Variants in ADGRL1 observed in about 807,000 individuals in gnomAD.
The protein encoded by ADGRL1 is CIRL-1.
Under a neutral mutation model 148.9 loss-of-function variants are expected in ADGRL1, and 31 were observed. The observed-to-expected ratio is 0.21, with a 90% CI of 0.16 to 0.28. The LOEUF (loss-of-function observed/expected upper bound fraction) is 0.28, where lower values mean the gene tolerates loss of function less well. Ranked by LOEUF, ADGRL1 falls within the 10% of genes least tolerant of loss-of-function variation. The pLI is 1.00. For synonymous variants in ADGRL1, 937 were observed against 900.3 expected, an observed-to-expected ratio of 1.04 and a Z score of -0.73; for missense variants, 1,521 against 2,058.8, an observed-to-expected ratio of 0.74 and a Z score of 5.05.
At chr19:14,205,654 C>T (rs1040511526) in intron 1 of ADGRL1, among the ~76,000 whole-genome samples, 14 of 151,646 alleles carry the variant, frequency 9.2e-5, no homozygotes, top group African/African-American at 3.1e-4. Context: ...AAGGCTGGCG[C>T]GCGCGCGGGC....
chr19:14,156,858 G>A, intron 15 of ADGRL1, 67 bp downstream of exon 15: 1 of 1,565,024 alleles, frequency 6.4e-7, no homozygotes, highest in Non-Finnish European at 8.7e-7. Flanking sequence ...TGAGGGTCCT[G>A]GTCCAAGGGG....
At chr19:14,178,941 T>A (rs376030989) in intron 2 of ADGRL1, among the ~76,000 whole-genome samples, 41 of 152,072 alleles carry the variant, frequency 2.7e-4, no homozygotes, top group African/African-American at 9.6e-4. Flanking sequence ...CCCCGCACTT[T>A]GGGAGGCTGA....
At chr19:14,197,885 G>A (rs1422767480) in intron 1 of ADGRL1, among the ~76,000 whole-genome samples, 1 of 152,142 alleles carries the variant, frequency 6.6e-6, no homozygotes, top group African/African-American at 2.4e-5. Flanking sequence ...TCTATTCAGT[G>A]GATGTTTACC....
intron 2 of ADGRL1, among the ~76,000 whole-genome samples, chr19:14,182,414 C>T (rs1017926513): frequency 1.2e-4 from 18 of 152,188 alleles, no homozygotes; most frequent in South Asian, 8.3e-4. Context: ...ATGTGGGGAC[C>T]GTCGCTTGTA....
rs1972374302 is a variant in ADGRL1 at position 14,198,031 on chromosome 19, G to A, written c.-96+7954C>T. ...ACATTTCGGCAGAGGTCTTGAGGAG[G>A]TGAGCCATCTAGGTACCTGTGCAAA... On this transcript the variant is annotated intron_variant, in intron 1 of 22. Transcript: ENST00000361434. Among the ~76,000 whole-genome samples the A allele has an allele frequency of 2.0e-5, 3 of 152,146 alleles. No homozygotes were observed. In the South Asian group the frequency reaches 6.2e-4, roughly 32 times the overall value.
At position 14,204,842 on chromosome 19, in the gene ADGRL1, G is replaced by A. The variant is rs184714069; in HGVS notation, c.-96+1143C>T. On this transcript the variant is annotated intron_variant, in intron 1 of 22. Coordinates refer to ENST00000361434, the MANE Select transcript of ADGRL1 (RefSeq NM_014921.5). Reference sequence around the variant, plus strand: ...GCACACATGTTGGGAAGTGGGATGTGGGAAGACAGACCCCAGCTCTGAGTC... The same window carrying A: ...GCACACATGTTGGGAAGTGGGATGTAGGAAGACAGACCCCAGCTCTGAGTC... Among the ~76,000 whole-genome samples, 686 of 152,176 alleles carry A rather than the reference G, an allele frequency of 4.5e-3. 2 individuals are homozygous for A. The highest frequency in any genetic ancestry group is 7.7e-3 in the South Asian group (37 of 4,820).
chr19:14,157,887 C>T lies in ADGRL1; in HGVS notation c.2530G>A (p.Glu844Lys). Residue 844 changes from glutamate (E) to lysine (K), a missense_variant, in exon 13 of 23, where the codon GAG (glutamate) becomes AAG (lysine). Physicochemically the swap from Glu to Lys is moderately conservative, Grantham distance 56 (BLOSUM62 1). This residue lies in a region of ADGRL1 where 265 missense variants were observed against 431.9 expected (regional missense o/e 0.61). Transcript: ENST00000361434. This position sits in a 1 kb window ranked among gnomAD's most constrained non-coding sequence, Gnocchi z 7.5. ...CAGAGCACCAGCCAGCTTACGATCT[C>T]ACGGTGAGCCATGAGCACAGCGAAG... ...TNFAVLMAHR[E>K]IYQGRINELL... is the part of the protein sequence containing the mutation. The T allele has an allele frequency of 6.2e-7, 1 of 1,613,954 alleles. No homozygotes were observed.
intron 1 of ADGRL1, among the ~76,000 whole-genome samples, chr19:14,204,704 C>CAGAGAG (rs1568248291): frequency 9.3e-6 from 1 of 107,632 alleles, no homozygotes; most frequent in Non-Finnish European, 1.9e-5. Flanking sequence ...TAGAGAAAGA[C>CAGAGAG]AGAGAGAGTG....
At chr19:14,167,640 C>G (rs978695335) in intron 4 of ADGRL1, among the ~76,000 whole-genome samples, 1 of 152,180 alleles carries the variant, frequency 6.6e-6, no homozygotes, top group Admixed American at 6.5e-5. Context: ...TCCCCCAAGC[C>G]CTCACAACCC....
In ADGRL1 at chr19:14,158,374, G is replaced by C. The variant is rs771749094; in HGVS notation, c.2328C>G (p.Leu776=). The change falls in exon 12 of 23, where the codon CTC becomes CTG. Residue 776 remains leucine (L), a synonymous_variant. Coordinates refer to ENST00000361434, the MANE Select transcript of ADGRL1 (RefSeq NM_014921.5). ...CCACGGTGAAGATGACAGGGTCCAT[G>C]AGGAAGACGCGGCTGGACTCCTTGT... The part of the protein sequence containing the change: ...SINKESSRVF[L]MDPVIFTVAH... 2 of 1,613,734 alleles carry C rather than the reference G, an allele frequency of 1.2e-6. No homozygotes were observed. The highest frequency in any genetic ancestry group is 1.3e-5 in the African/African-American group (1 of 74,932).
At chr19:14,171,941 T>C (rs967493797) in intron 3 of ADGRL1, among the ~76,000 whole-genome samples, 1 of 152,226 alleles carries the variant, frequency 6.6e-6, no homozygotes, top group Non-Finnish European at 1.5e-5. Context: ...TTTGAGAGGC[T>C]TCCCGACAGG....
At chr19:14,176,590 G>A (rs973120005) in intron 3 of ADGRL1, among the ~76,000 whole-genome samples, 1 of 151,958 alleles carries the variant, frequency 6.6e-6, no homozygotes, top group Non-Finnish European at 1.5e-5. Context: ...TCATCCCAGC[G>A]CTTTGAGAGG....
At chr19:14,202,290 T>C (rs1053512053) in intron 1 of ADGRL1, among the ~76,000 whole-genome samples, 2 of 151,940 alleles carry the variant, frequency 1.3e-5, no homozygotes, top group Non-Finnish European at 2.9e-5. Flanking sequence ...TCTCGCTCTG[T>C]CGCCCACGCT....
rs886236802 is a variant in ADGRL1 at position 14,162,364 on chromosome 19, C to A, written c.1195+242G>T. Among the ~76,000 whole-genome samples the A allele has an allele frequency of 6.6e-6, 1 of 152,220 alleles. No homozygotes were observed. The highest frequency in any genetic ancestry group is 1.9e-4 in the East Asian group (1 of 5,202). ...CAAATAACTTAATCCCCTACCCACA[C>A]AGAGCCTCAGTGTCATCTGTAAAAC... On this transcript the variant is annotated intron_variant, in intron 5 of 22. Transcript: ENST00000361434. This position sits in a 1 kb window ranked among gnomAD's most constrained non-coding sequence, Gnocchi z 5.4.
rs1969608412 is a variant in ADGRL1, at chr19:14,163,412, C to T, written c.395-6G>A. 1.3e-6 allele frequency: 2 copies of T among 1,519,788 alleles called. No homozygotes were observed. Among genetic ancestry groups the T allele is most frequent in the Non-Finnish European group, 1.8e-6 (2 of 1,136,014 alleles). The allele number at this position is 1,519,788 out of a possible 1,614,324, so 94.1% of individuals were successfully genotyped here. A position where few individuals can be genotyped will look rare whatever the true frequency, so the allele number is the denominator to read the frequency against. Reference sequence around the variant, plus strand: ...GGTCCCTGGGCACACGAAGACTGGGCAGAGTGGGCGGGAGGGGAGGAGGTA... The same window carrying T: ...GGTCCCTGGGCACACGAAGACTGGGTAGAGTGGGCGGGAGGGGAGGAGGTA... On this transcript the variant is annotated splice_polypyrimidine_tract_variant and splice_region_variant and intron_variant, in intron 4 of 22. Transcript: ENST00000361434.
chr19:14,160,235 G>A lies in ADGRL1; in HGVS notation c.1677C>T (p.Ser559=), dbSNP rs369442192. Residue 559 remains serine, a synonymous_variant, in exon 8 of 23, where the codon TCC becomes TCT. Transcript: ENST00000361434. This position sits in a 1 kb window ranked among gnomAD's most constrained non-coding sequence, Gnocchi z 5.9. The stretch of plus-strand genomic sequence containing the variant: ...AGGAGGAGACGTCCCCCGCGTAGAT[G>A]GAGCCCCGGGTGTGTCGGGCCAGCT... The part of the protein sequence containing the change: ...ASELARHTRG[S]IYAGDVSSSV... 446 of 1,599,638 alleles carry A rather than the reference G, an allele frequency of 2.8e-4. No individual in the cohort carries two copies. The highest frequency in any genetic ancestry group is 3.7e-4 in the Non-Finnish European group (430 of 1,168,278).
chr19:14,189,426 C>A (rs1296756073), intron 1 of ADGRL1, among the ~76,000 whole-genome samples: 1 of 152,208 alleles, frequency 6.6e-6, no homozygotes, highest in African/African-American at 2.4e-5. Context: ...GGCAGGATTT[C>A]GTCATGTTGC....
At chr19:14,184,438 T>A (rs1599489176) in intron 1 of ADGRL1, among the ~76,000 whole-genome samples, 1 of 151,302 alleles carries the variant, frequency 6.6e-6, no homozygotes, top group Non-Finnish European at 1.5e-5. Context: ...TATTATTATT[T>A]TTTTAAATTT....
intron 2 of ADGRL1, among the ~76,000 whole-genome samples, chr19:14,178,819 G>C (rs1970995554): frequency 6.6e-6 from 1 of 152,144 alleles, no homozygotes; most frequent in Non-Finnish European, 1.5e-5. Context: ...GCTAAAAGGA[G>C]AAATTTGGGC....
Sources: allele counts gnomAD v4.1 joint callset (sites outside exome capture counted in the v4.1 genomes callset), GRCh38; gene constraint gnomAD v4.1.1; regional missense constraint gnomAD v4.1.1; non-coding constraint Gnocchi (gnomAD v3.1); transcripts MANE v1.5; gene names NCBI Gene and HGNC (gene_info 2026-07-23, HGNC 2026-07-21).